Variants in SLC44A1 observed in about 807,000 individuals in gnomAD.
SLC44A1 encodes the protein solute carrier family 44 member 1.
Under a neutral mutation model 79.3 loss-of-function variants are expected in SLC44A1, and 26 were observed. That is an observed-to-expected ratio of 0.33 (90% CI 0.24 to 0.46). SLC44A1 has a LOEUF of 0.46. Ranked by LOEUF, SLC44A1 falls within the 20% of genes least tolerant of loss-of-function variation. SLC44A1 has a pLI of 1.00. For missense variants in SLC44A1, 688 were observed against 798.1 expected (o/e 0.86, Z 1.66); for synonymous variants, 263 against 286.2 (o/e 0.92, Z 0.82).
chr9:105,402,652 A>T (rs1199571556), intron 15 of SLC44A1, among the ~76,000 whole-genome samples: 1 of 147,330 alleles, frequency 6.8e-6, no homozygotes, highest in East Asian at 2.0e-4. Context: ...TCCCCACATA[A>T]CAAAGGCGTG....
Position 105,351,555 on chromosome 9 carries a change from A to G in SLC44A1, c.500+3104A>G, listed in dbSNP as rs1439757237. Among the ~76,000 whole-genome samples, 22 of 106,454 alleles carry G rather than the reference A, an allele frequency of 2.1e-4. 1 individual carries two copies. The highest frequency in any genetic ancestry group is 3.1e-4 in the African/African-American group (6 of 19,486). 69.8% of individuals were successfully genotyped at this position (106,454 alleles called of 152,430 possible). A position where few individuals can be genotyped will look rare whatever the true frequency, so the allele number is the denominator to read the frequency against. On this transcript the variant is annotated intron_variant, in intron 5 of 15. Transcript: ENST00000374720. Reference sequence around the variant, plus strand: ...CTGAAAGAAAGAAAGAAAGAAAGAAAGAGAGAAAGAGAGAAAGAGAGAAAG... The same window carrying G: ...CTGAAAGAAAGAAAGAAAGAAAGAAGGAGAGAAAGAGAGAAAGAGAGAAAG...
rs775566727 is a variant in SLC44A1 at position 105,365,531 on chromosome 9, C to T, written c.1302C>T (p.Arg434=). 5.0e-6 allele frequency: 8 copies of T among 1,613,406 alleles called. No individual in the cohort carries two copies. In the South Asian group the frequency reaches 8.8e-5, roughly 18 times the overall value. Residue 434 remains arginine, a synonymous_variant, in exon 11 of 16, where the codon CGC becomes CGT. Transcript: ENST00000374720. ...PFTPILASVN[R]LIRYHLGTVA... ...CACCTATTTTGGCATCAGTAAATCGCCTTATTCGTTACCACCTAGGTACGG... is the reference window on the plus strand; with the variant it reads ...CACCTATTTTGGCATCAGTAAATCGTCTTATTCGTTACCACCTAGGTACGG...
At chr9:105,345,883 C>T (rs1827232726) in intron 4 of SLC44A1, among the ~76,000 whole-genome samples, 1 of 151,340 alleles carries the variant, frequency 6.6e-6, no homozygotes, top group Non-Finnish European at 1.5e-5. Context: ...TAGTTTTCTA[C>T]TTTTCATTAC....
intron 15 of SLC44A1, among the ~76,000 whole-genome samples, chr9:105,410,495 T>C (rs1024508648): frequency 1.3e-5 from 2 of 152,124 alleles, no homozygotes; most frequent in Non-Finnish European, 2.9e-5. Context: ...ATTAGGGAAT[T>C]GCAAATCAAA....
In SLC44A1 at chr9:105,366,437, A is replaced by G. The variant is rs572335606; in HGVS notation, c.1494+8A>G. 3 of 1,257,852 alleles carry G rather than the reference A, an allele frequency of 2.4e-6. No homozygotes were observed. In the South Asian group the frequency reaches 4.6e-5, roughly 19 times the overall value. The allele number at this position is 1,257,852 out of a possible 1,614,324, so 77.9% of individuals were successfully genotyped here. A position where few individuals can be genotyped will look rare whatever the true frequency, so the allele number is the denominator to read the frequency against. On this transcript the variant is annotated splice_region_variant and intron_variant, in intron 12 of 15. Transcript: ENST00000374720. ...CTAAATTATTTAAATCAGGTAAAAT[A>G]TTTTAAAAATAAATCTAATATTTAC...
rs551447206 is a variant in SLC44A1, at chr9:105,264,987, G to T, written c.36+20083G>T. Among the ~76,000 whole-genome samples, 802 of 152,056 alleles carry T rather than the reference G, an allele frequency of 5.3e-3. 6 individuals are homozygous for T. Among genetic ancestry groups the T allele is most frequent in the African/African-American group, 0.019 (776 of 41,468 alleles). On this transcript the variant is annotated intron_variant, in intron 1 of 15. Transcript: ENST00000374720. ...AATTTTGTATTTTTAGTAGAGACGGGGTTTCTCCATGTTGGTCAGGCTGGT... is the reference window on the plus strand; with the variant it reads ...AATTTTGTATTTTTAGTAGAGACGGTGTTTCTCCATGTTGGTCAGGCTGGT...
chr9:105,273,608 A>G (rs1830127721), intron 1 of SLC44A1, among the ~76,000 whole-genome samples: 1 of 152,096 alleles, frequency 6.6e-6, no homozygotes, highest in Admixed American at 6.5e-5. Flanking sequence ...AGTGAATTTC[A>G]TTCAAGCAGT....
chr9:105,335,923 G>T (rs1826903803), intron 4 of SLC44A1, among the ~76,000 whole-genome samples: 1 of 152,260 alleles, frequency 6.6e-6, no homozygotes, highest in East Asian at 1.9e-4. Flanking sequence ...TTTGTGCTCT[G>T]GAAGTTAGTA....
At chr9:105,389,000 TA>T in intron 15 of SLC44A1, 32 bp from the exon 16 acceptor site, 1 of 1,556,860 alleles carries the variant, frequency 6.4e-7, no homozygotes, top group Non-Finnish European at 8.9e-7. Flanking sequence ...GGTAATTGTC[TA>T]AGATTATACT....
chr9:105,294,636 T>A (rs1462476879), intron 1 of SLC44A1: 1 of 152,094 alleles, frequency 6.6e-6, no homozygotes, highest in African/African-American at 2.4e-5. Context: ...TTGAGTATAA[T>A]AGGTGTAGGG....
chr9:105,323,000 G>A (rs7857293), intron 3 of SLC44A1, among the ~76,000 whole-genome samples: 17,800 of 150,740 alleles, frequency 0.12, 2,957 homozygotes, highest in African/African-American at 0.37. Context: ...AGGCGGGCGG[G>A]TTACTTGAGG....
intron 5 of SLC44A1, among the ~76,000 whole-genome samples, chr9:105,351,813 A>G (rs1827457447): frequency 6.6e-6 from 1 of 152,188 alleles, no homozygotes; most frequent in Non-Finnish European, 1.5e-5. Context: ...CTTCACAAAA[A>G]TCTGTCAAGA....
chr9:105,347,281 A>G (rs1042334061), intron 4 of SLC44A1, among the ~76,000 whole-genome samples: 2 of 152,062 alleles, frequency 1.3e-5, no homozygotes, highest in Admixed American at 6.5e-5. Context: ...ATGCAAAGCT[A>G]TTCTGTTTAT....
At chr9:105,372,713 G>A (rs1015401151) in intron 12 of SLC44A1, among the ~76,000 whole-genome samples, 7 of 150,384 alleles carry the variant, frequency 4.7e-5, no homozygotes, top group Non-Finnish European at 1.0e-4. Context: ...CACTTTGGGA[G>A]GCCAAGGCGG....
intron 1 of SLC44A1, among the ~76,000 whole-genome samples, chr9:105,282,055 G>A (rs1179312977): frequency 6.6e-6 from 1 of 152,188 alleles, no homozygotes; most frequent in Non-Finnish European, 1.5e-5. Context: ...TAGAAGACTG[G>A]CTGGTGGGCA....
At chr9:105,354,918 GC>G (rs550462530) in intron 5 of SLC44A1, among the ~76,000 whole-genome samples, 7 of 152,184 alleles carry the variant, frequency 4.6e-5, no homozygotes, top group Non-Finnish European at 1.0e-4. Flanking sequence ...ACCTTGTAGT[GC>G]CCAACCATGT....
Position 105,395,064 on chromosome 9 carries a change from A to T in SLC44A1, c.*6008A>T, listed in dbSNP as rs1828847749. ...GGGTTTGAAGTTCTTGTGAAATTTG[A>T]TCCCAGTGGCTCATGACTTATAGTC... On this transcript the variant is annotated 3_prime_UTR_variant, in exon 16 of 16. Transcript: ENST00000374720. The T allele has an allele frequency of 4.1e-6, 4 of 985,416 alleles. No homozygotes were observed. The South Asian group carries it at 1.9e-4, about 46-fold the overall frequency. The allele number at this position is 985,416 out of a possible 1,614,324, so 61.0% of individuals were successfully genotyped here. A position where few individuals can be genotyped will look rare whatever the true frequency, so the allele number is the denominator to read the frequency against.
chr9:105,392,401 C>CTTTTTTTTTTTTTTTTTT lies in SLC44A1; in HGVS notation c.*3346_*3347insTTTTTTTTTTTTTTTTTT, dbSNP rs879388662. The CTTTTTTTTTTTTTTTTTT allele has an allele frequency of 3.2e-6, 1 of 312,412 alleles. No homozygotes were observed. The highest frequency in any genetic ancestry group is 3.9e-6 in the Non-Finnish European group (1 of 256,648). The allele number at this position is 312,412 out of a possible 1,614,324, so 19.4% of individuals were successfully genotyped here. A position where few individuals can be genotyped will look rare whatever the true frequency, so the allele number is the denominator to read the frequency against. On this transcript the variant is annotated 3_prime_UTR_variant, in exon 16 of 16. Transcript: ENST00000374720. ...TTGTAGAGATGCTCTCTCTCTCTCT[C>CTTTTTTTTTTTTTTTTTT]TCTTTTTTTTTTTTTTTTTTTTTTT...
At chr9:105,289,918 AT>A (rs913100964) in intron 1 of SLC44A1, among the ~76,000 whole-genome samples, 5 of 151,384 alleles carry the variant, frequency 3.3e-5, no homozygotes, top group African/African-American at 1.2e-4. Context: ...GGTTCAAGTG[AT>A]TCTCCTGCCT....
Sources: allele counts gnomAD v4.1 joint callset (sites outside exome capture counted in the v4.1 genomes callset), GRCh38; gene constraint gnomAD v4.1.1; transcripts MANE v1.5; gene names NCBI Gene and HGNC (gene_info 2026-07-23, HGNC 2026-07-21).